AKT2: variants seen among roughly 807,000 people sequenced by gnomAD.
AKT2 encodes the protein AKT serine/threonine kinase 2, also known as RAC-beta serine/threonine-protein kinase.
In AKT2, 16 loss-of-function variants were observed where a neutral mutation model predicts 58.6. The observed-to-expected ratio is 0.27, with a 90% CI of 0.18 to 0.41. The LOEUF is 0.41. Ranked by LOEUF, AKT2 falls within the 10% of genes least tolerant of loss-of-function variation. AKT2 has a pLI of 1.00. For missense variants in AKT2, 438 were observed against 661.0 expected (o/e 0.66, Z 3.70); for synonymous variants, 253 against 254.0 (o/e 1.00, Z 0.04).
intron 3 of AKT2, among the ~76,000 whole-genome samples, chr19:40,255,500 G>A (rs186891870): frequency 3.5e-4 from 54 of 152,262 alleles, no homozygotes; most frequent in African/African-American, 1.2e-3. Context: ...AGACAGGGCC[G>A]CGATGGGGAC....
chr19:40,235,755 G>A lies in AKT2; in HGVS notation c.1175+135C>T, dbSNP rs1198440260. On this transcript the variant is annotated intron_variant, in intron 11 of 13. Transcript: ENST00000392038. This position sits in a 1 kb window ranked among gnomAD's most constrained non-coding sequence, Gnocchi z 6.3. ...GCACTCCCTAAGTGCCACTGTGGAC[G>A]TTTTCAGGGGCTGTGTGGGGACGAC... The A allele has an allele frequency of 1.6e-5, 15 of 935,000 alleles. No individual in the cohort carries two copies. The highest frequency in any genetic ancestry group is 3.3e-4 in the Middle Eastern group (1 of 2,986). 57.9% of individuals were successfully genotyped at this position (935,000 alleles called of 1,614,324 possible). A position where few individuals can be genotyped will look rare whatever the true frequency, so the allele number is the denominator to read the frequency against.
At position 40,238,602 on chromosome 19, in the gene AKT2, GC is replaced by G. The variant is rs1187254891; in HGVS notation, c.708+302del. ...TTAACCCTTGGGGGCTTTCTCTGGG[GC>G]CTTTAAGACCATCCTTCCCAGTGCT... On this transcript the variant is annotated intron_variant, in intron 8 of 13. Coordinates refer to ENST00000392038, the MANE Select transcript of AKT2 (RefSeq NM_001626.6). The surrounding 1 kb of genome is among the most constrained non-coding windows in gnomAD (Gnocchi z 5.1). Among the ~76,000 whole-genome samples the G allele has an allele frequency of 6.6e-6, 1 of 152,112 alleles. No individual in the cohort carries two copies. The highest frequency in any genetic ancestry group is 1.5e-5 in the Non-Finnish European group (1 of 68,014).
At chr19:40,259,285 T>C (rs949878130) in intron 2 of AKT2, among the ~76,000 whole-genome samples, 59 of 148,722 alleles carry the variant, frequency 4.0e-4, no homozygotes, top group African/African-American at 1.5e-3. Context: ...CAGTGACCCA[T>C]AGGCAATGTG....
intron 1 of AKT2, among the ~76,000 whole-genome samples, chr19:40,271,209 A>C (rs2077206880): frequency 7.7e-6 from 1 of 130,420 alleles, no homozygotes; most frequent in Admixed American, 7.3e-5. Flanking sequence ...ACATACATAC[A>C]TACATATATA....
chr19:40,234,586 G>A lies in AKT2; in HGVS notation c.1366+459C>T, dbSNP rs1361635135. ...GCCCTCCCTAACTGCAGGCCAGGTC[G>A]GATATTTCCTCTGGGATTCCCCAGT... is the stretch of plus-strand genomic sequence containing the variant. On this transcript the variant is annotated intron_variant, in intron 13 of 13. Transcript: ENST00000392038. This position sits in a 1 kb window ranked among gnomAD's most constrained non-coding sequence, Gnocchi z 4.7. 6 of 405,686 alleles carry A rather than the reference G, an allele frequency of 1.5e-5. No homozygotes were observed. In the Admixed American group the frequency reaches 2.0e-4, roughly 14 times the overall value. 25.1% of individuals were successfully genotyped at this position (405,686 alleles called of 1,614,324 possible). A position where few individuals can be genotyped will look rare whatever the true frequency, so the allele number is the denominator to read the frequency against.
At chr19:40,279,760 G>A (rs374086939) in intron 1 of AKT2, 2 of 152,216 alleles carry the variant, frequency 1.3e-5, no homozygotes, top group South Asian at 4.1e-4. Flanking sequence ...AGCTGTGGTG[G>A]GGGAATCTCT....
intron 9 of AKT2, chr19:40,236,850 C>T (rs759212042): frequency 2.3e-5 from 5 of 214,842 alleles, no homozygotes; most frequent in Non-Finnish European, 9.5e-6. Context: ...ACAGCGAGAC[C>T]CCATCTCCAT....
intron 1 of AKT2, chr19:40,275,181 C>T (rs142610408): frequency 2.4e-4 from 108 of 456,960 alleles, no homozygotes; most frequent in African/African-American, 1.7e-3. Context: ...CCACCTCCTT[C>T]TGCCTTTGCT....
chr19:40,234,792 C>A lies in AKT2; in HGVS notation c.1366+253G>T. 1 of 619,642 alleles carries A rather than the reference C, an allele frequency of 1.6e-6. No individual in the cohort carries two copies. Among genetic ancestry groups the A allele is most frequent in the Non-Finnish European group, 2.9e-6 (1 of 347,516 alleles). 38.4% of individuals were successfully genotyped at this position (619,642 alleles called of 1,614,324 possible). A position where few individuals can be genotyped will look rare whatever the true frequency, so the allele number is the denominator to read the frequency against. ...CTGTAAAGCAGTGAACCCAGCCAGG[C>A]TCAGGGACCGGGCTGCCTCCTGCCC... is the stretch of plus-strand genomic sequence containing the variant. On this transcript the variant is annotated intron_variant, in intron 13 of 13. Coordinates refer to ENST00000392038, the MANE Select transcript of AKT2 (RefSeq NM_001626.6). The surrounding 1 kb of genome is among the most constrained non-coding windows in gnomAD (Gnocchi z 4.7).
At position 40,265,211 on chromosome 19, in the gene AKT2, C is replaced by A; in HGVS notation, c.46+11G>T. The A allele has an allele frequency of 6.2e-7, 1 of 1,612,190 alleles. No homozygotes were observed. Among genetic ancestry groups the A allele is most frequent in the Non-Finnish European group, 8.5e-7 (1 of 1,179,232 alleles). The stretch of plus-strand genomic sequence containing the variant: ...GGAGAAAGAATCTGGCGGGCAAAAG[C>A]GGCCTCTTACCACGCTTGTGGAGCC... On this transcript the variant is annotated intron_variant, in intron 2 of 13. Coordinates refer to ENST00000392038, the MANE Select transcript of AKT2 (RefSeq NM_001626.6).
intron 1 of AKT2, among the ~76,000 whole-genome samples, chr19:40,276,390 A>C (rs2077325911): frequency 1.0e-5 from 1 of 99,758 alleles, no homozygotes; most frequent in Non-Finnish European, 1.8e-5. Flanking sequence ...TTTTTGAGAC[A>C]GAGTCTCACT....
intron 2 of AKT2, 54 bp downstream of exon 2, chr19:40,265,168 C>G: frequency 6.3e-7 from 1 of 1,593,228 alleles, no homozygotes; most frequent in Non-Finnish European, 8.6e-7. Context: ...GCACAGCTTT[C>G]CAGGAGGAGC....
chr19:40,244,743 T>C (rs1197362759), intron 4 of AKT2, among the ~76,000 whole-genome samples: 2 of 152,248 alleles, frequency 1.3e-5, no homozygotes, highest in East Asian at 3.8e-4. Context: ...CTTCACAGCA[T>C]CTTCCAGGAT....
At chr19:40,261,563 C>CCTGTCTTG (rs1975955331) in intron 2 of AKT2, among the ~76,000 whole-genome samples, 1 of 151,916 alleles carries the variant, frequency 6.6e-6, no homozygotes, top group Non-Finnish European at 1.5e-5. Flanking sequence ...CAAGTTCAGC[C>CCTGTCTTG]CTGTCTTGTT....
intron 2 of AKT2, among the ~76,000 whole-genome samples, chr19:40,257,638 AGCT>A (rs1487042603): frequency 6.6e-6 from 1 of 150,902 alleles, no homozygotes; most frequent in African/African-American, 2.5e-5. Context: ...CTCATCAGAG[AGCT>A]GCTAAGGATT....
At position 40,233,329 on chromosome 19, in the gene AKT2, C is replaced by A; in HGVS notation, c.*543G>T. On this transcript the variant is annotated 3_prime_UTR_variant, in exon 14 of 14. Transcript: ENST00000392038. This position sits in a 1 kb window ranked among gnomAD's most constrained non-coding sequence, Gnocchi z 4.3. ...CCCAGCCCTGCAGCTCCCAAGGGCC[C>A]CTGCCTGCCCCTGGACATTATTGCT... The A allele has an allele frequency of 5.1e-6, 2 of 394,454 alleles. No homozygotes were observed. The highest frequency in any genetic ancestry group is 4.8e-6 in the Non-Finnish European group (1 of 208,700). The allele number at this position is 394,454 out of a possible 1,614,324, so 24.4% of individuals were successfully genotyped here.
At chr19:40,256,105 T>C (rs896454858) in intron 3 of AKT2, among the ~76,000 whole-genome samples, 1 of 152,030 alleles carries the variant, frequency 6.6e-6, no homozygotes, top group African/African-American at 2.4e-5. Context: ...TTGAAGACAC[T>C]TGGGGAGATG....
At position 40,242,698 on chromosome 19, in the gene AKT2, A is replaced by G; in HGVS notation, c.288-11T>C. The stretch of plus-strand genomic sequence containing the variant: ...CGCATCCACTCCTCCCTGTGCAGGG[A>G]CACACGTGAGTCCCAGCAGCCAGGA... On this transcript the variant is annotated splice_polypyrimidine_tract_variant and intron_variant, in intron 4 of 13. Transcript: ENST00000392038. The surrounding 1 kb of genome is among the most constrained non-coding windows in gnomAD (Gnocchi z 4.3). 6 of 1,609,442 alleles carry G rather than the reference A, an allele frequency of 3.7e-6. No homozygotes were observed. Among genetic ancestry groups the G allele is most frequent in the Non-Finnish European group, 5.1e-6 (6 of 1,179,932 alleles).
rs775105991 is a variant in AKT2, at chr19:40,238,066, C to T, written c.734G>A (p.Arg245His). ...GELFFHLSRERVFTEERARFY... is the reference protein window; with the variant it reads ...GELFFHLSREHVFTEERARFY... ...CCGGGCCCGCTCCTCTGTGAAGACACGCTCCCGGGACAGGTGGAAGAACAG... is the reference window on the plus strand; with the variant it reads ...CCGGGCCCGCTCCTCTGTGAAGACATGCTCCCGGGACAGGTGGAAGAACAG... Residue 245 changes from arginine to histidine, a missense_variant, in exon 9 of 14, where the codon CGT (arginine) becomes CAT (histidine). Around this residue, in one of 3 missense-constraint regions of AKT2, gnomAD observed 244 missense variants for 347.1 expected, o/e 0.70. Coordinates refer to ENST00000392038, the MANE Select transcript of AKT2 (RefSeq NM_001626.6). This position sits in a 1 kb window ranked among gnomAD's most constrained non-coding sequence, Gnocchi z 5.1. The T allele has an allele frequency of 9.4e-6, 15 of 1,603,672 alleles. No individual in the cohort carries two copies. The highest frequency in any genetic ancestry group is 5.2e-5 in the Admixed American group (3 of 58,046).
Sources: gnomAD v4.1 joint callset for allele counts (sites outside exome capture counted in the v4.1 genomes callset) on GRCh38, gnomAD v4.1.1 for gene constraint, gnomAD v4.1.1 regional missense constraint, Gnocchi (gnomAD v3.1) non-coding constraint, MANE v1.5 for transcripts, NCBI Gene and HGNC (gene_info 2026-07-23, HGNC 2026-07-21) for gene names.